The following GFRA1 variants were observed in gnomAD, a reference collection of about 807,000 sequenced individuals.
GFRA1 encodes the protein GDNF family receptor alpha 1.
GFRA1 carries 16 observed loss-of-function variants against 51.6 expected under a neutral mutation model. That is an observed-to-expected ratio of 0.31 (90% confidence interval 0.21 to 0.47). The LOEUF (loss-of-function observed/expected upper bound fraction) is 0.47, where lower values mean the gene tolerates loss of function less well. GFRA1 is among the 20% of genes least tolerant of loss of function. The pLI is 1.00. For synonymous variants in GFRA1, 270 were observed against 241.3 expected (o/e 1.12, Z -1.10); for missense variants, 530 against 594.3 (o/e 0.89, Z 1.13).
intron 4 of GFRA1, among the ~76,000 whole-genome samples, chr10:116,230,755 C>T (rs1325724243): frequency 2.6e-5 from 4 of 151,458 alleles, no homozygotes; most frequent in Admixed American, 1.3e-4. Context: ...GACAATTTAA[C>T]ACAAGAAAAA....
At chr10:116,072,296 T>TC (rs750241411) in intron 9 of GFRA1, among the ~76,000 whole-genome samples, 36 of 152,142 alleles carry the variant, frequency 2.4e-4, no homozygotes, top group Non-Finnish European at 3.1e-4. Context: ...AGAAGCGAAG[T>TC]CCACTAGTGT....
chr10:116,179,114 C>A (rs1386743094), intron 5 of GFRA1, among the ~76,000 whole-genome samples: 1 of 152,142 alleles, frequency 6.6e-6, no homozygotes, highest in East Asian at 1.9e-4. Flanking sequence ...GACGAGAAGA[C>A]CAAACACAAC....
intron 8 of GFRA1, 115 bp from the exon 9 acceptor site, chr10:116,090,037 TG>T: frequency 1.0e-6 from 1 of 961,726 alleles, no homozygotes; most frequent in African/African-American, 1.6e-5. Flanking sequence ...TGGACTTCTC[TG>T]AACAAAACGC....
rs184156018 is a variant in GFRA1 at position 116,070,115 on chromosome 10, A to G, written c.1198-4489T>C. Among the ~76,000 whole-genome samples, 424 of 152,306 alleles carry G rather than the reference A, an allele frequency of 2.8e-3. 1 individual carries two copies. The highest frequency in any genetic ancestry group is 0.024 in the Middle Eastern group (7 of 294). ...GGAAGTTGCCCAATCCAATAGCAAC[A>G]GACTGTCCAGTCTGCAGCCAAATAG... On this transcript the variant is annotated intron_variant, in intron 9 of 10. Transcript: ENST00000355422.
intron 5 of GFRA1, among the ~76,000 whole-genome samples, chr10:116,181,647 T>G (rs568457167): frequency 9.0e-5 from 12 of 132,832 alleles, no homozygotes; most frequent in Admixed American, 5.9e-4. Context: ...TGTTTTTTTG[T>G]TTTTTTTTGA....
Position 116,062,492 on chromosome 10 carries a change from C to T in GFRA1, c.*1906G>A, listed in dbSNP as rs1565544776. 2 of 177,882 alleles carry T rather than the reference C, an allele frequency of 1.1e-5. No homozygotes were observed. The highest frequency in any genetic ancestry group is 4.7e-5 in the African/African-American group (2 of 42,628). The allele number at this position is 177,882 out of a possible 1,614,324, so 11.0% of individuals were successfully genotyped here. ...TGATTAACATTTGGACACAAATATA[C>T]TTTTAACACCAATAGAGCTGAAAGA... On this transcript the variant is annotated 3_prime_UTR_variant, in exon 11 of 11. Coordinates refer to ENST00000355422, the MANE Select transcript of GFRA1 (RefSeq NM_005264.8).
intron 7 of GFRA1, 110 bp from the exon 8 acceptor site, chr10:116,093,946 C>T (rs1456009058): frequency 2.3e-5 from 24 of 1,023,222 alleles, no homozygotes; most frequent in Non-Finnish European, 3.5e-5. Flanking sequence ...TAATTACAGA[C>T]ATTGTATTTG....
At chr10:116,174,698 C>T (rs1200269737) in intron 5 of GFRA1, among the ~76,000 whole-genome samples, 2 of 152,156 alleles carry the variant, frequency 1.3e-5, no homozygotes, top group Non-Finnish European at 2.9e-5. Flanking sequence ...AGATAATATA[C>T]TACTAGAGAT....
rs1469552822 is a variant in GFRA1 at position 116,058,573 on chromosome 10, C to G, written c.*5825G>C. 1 of 152,160 alleles carries G rather than the reference C, an allele frequency of 6.6e-6. No homozygotes were observed. The highest frequency in any genetic ancestry group is 1.5e-5 in the Non-Finnish European group (1 of 68,052). The allele number at this position is 152,160 out of a possible 1,614,324, so 9.4% of individuals were successfully genotyped here. ...TTTGCACGTGGCCCAGGACTTACCC[C>G]TGGGAGACTGAGTCTCAGTTTCATG... is the stretch of plus-strand genomic sequence containing the variant. On this transcript the variant is annotated 3_prime_UTR_variant, in exon 11 of 11. Transcript: ENST00000355422.
At chr10:116,176,108 T>C (rs975308686) in intron 5 of GFRA1, among the ~76,000 whole-genome samples, 8 of 152,202 alleles carry the variant, frequency 5.3e-5, no homozygotes, top group African/African-American at 1.9e-4. Flanking sequence ...CCTATGCTTT[T>C]ATAGCCCAAG....
chr10:116,220,434 T>C (rs1336555137), intron 4 of GFRA1, among the ~76,000 whole-genome samples: 2 of 152,340 alleles, frequency 1.3e-5, no homozygotes, highest in East Asian at 3.9e-4. Context: ...TTTCCAAAAT[T>C]CAAACTGGAT....
At chr10:116,089,553 C>T (rs1053111629) in intron 9 of GFRA1, among the ~76,000 whole-genome samples, 188 bp downstream of exon 9, 5 of 152,170 alleles carry the variant, frequency 3.3e-5, no homozygotes, top group South Asian at 2.1e-4. Context: ...GTTCCATAGT[C>T]GGACTTTCTC....
chr10:116,229,838 G>T (rs1261445613), intron 4 of GFRA1, among the ~76,000 whole-genome samples: 1 of 152,210 alleles, frequency 6.6e-6, no homozygotes, highest in East Asian at 1.9e-4. Flanking sequence ...TTTACTGACA[G>T]ATGAGAAAAT....
chr10:116,149,849 A>G lies in GFRA1; in HGVS notation c.434-24292T>C, dbSNP rs144057184. On this transcript the variant is annotated intron_variant, in intron 5 of 10. Transcript: ENST00000355422. ...TATGATTAAAAACAAGACCACTATTATTTTAAAGCTTGAAATCAGGGTACC... is the reference window on the plus strand; with the variant it reads ...TATGATTAAAAACAAGACCACTATTGTTTTAAAGCTTGAAATCAGGGTACC... 1.2e-4 allele frequency among the ~76,000 whole-genome samples: 18 copies of G among 152,252 alleles called. No homozygotes were observed. In the East Asian group the frequency reaches 3.3e-3, roughly 28 times the overall value.
chr10:116,197,892 G>A, intron 5 of GFRA1, among the ~76,000 whole-genome samples: 1 of 152,176 alleles, frequency 6.6e-6, no homozygotes, highest in Admixed American at 6.5e-5. Context: ...AGGTCCCAGG[G>A]ACCAGATGGA....
chr10:116,155,944 C>T (rs888400762), intron 5 of GFRA1, among the ~76,000 whole-genome samples: 2 of 152,300 alleles, frequency 1.3e-5, no homozygotes, highest in African/African-American at 2.4e-5. Flanking sequence ...CAAAAGCAAA[C>T]GCTAGAAAAC....
chr10:116,241,125 T>A lies in GFRA1; in HGVS notation c.418+28378A>T, dbSNP rs555546581. 1.0e-4 allele frequency among the ~76,000 whole-genome samples: 11 copies of A among 108,574 alleles called. 1 individual carries two copies. The South Asian group carries it at 4.9e-3, about 48-fold the overall frequency. 71.2% of individuals were successfully genotyped at this position (108,574 alleles called of 152,430 possible). ...ACATAGTGGATAATTTAGAATTTCG[T>A]AATACATTAGATTTCTAAAACGTGT... On this transcript the variant is annotated intron_variant, in intron 4 of 10. Coordinates refer to ENST00000355422, the MANE Select transcript of GFRA1 (RefSeq NM_005264.8).
At chr10:116,135,004 C>G (rs1958263330) in intron 5 of GFRA1, among the ~76,000 whole-genome samples, 1 of 152,186 alleles carries the variant, frequency 6.6e-6, no homozygotes, top group Non-Finnish European at 1.5e-5. Context: ...TCCACCTTTT[C>G]CTTTTGTTAT....
intron 5 of GFRA1, among the ~76,000 whole-genome samples, chr10:116,170,504 T>C (rs911969381): frequency 4.6e-5 from 7 of 152,212 alleles, no homozygotes; most frequent in African/African-American, 1.7e-4. Flanking sequence ...AGGAAACCTG[T>C]ACCCTATTTG....
Sources: gnomAD v4.1 joint callset for allele counts (sites outside exome capture counted in the v4.1 genomes callset) on GRCh38, gnomAD v4.1.1 for gene constraint, MANE v1.5 for transcripts, NCBI Gene and HGNC (gene_info 2026-07-23, HGNC 2026-07-21) for gene names.